The following DPYD variants were observed in gnomAD, a reference collection of about 807,000 sequenced individuals.
The protein encoded by DPYD is dihydropyrimidine dehydrogenase, also known as dihydropyrimidine dehydrogenase [NADP(+)].
In DPYD, 109 loss-of-function variants were observed where a neutral mutation model predicts 116.2. The ratio of observed to expected loss-of-function variants is 0.94; its 90% CI spans 0.80 to 1.10. DPYD has a LOEUF of 1.10. Among genes scored for constraint, DPYD ranks in the 50% least tolerant of loss-of-function variants. DPYD has a pLI of 0.00. For missense variants in DPYD, 1,302 were observed against 1,254.5 expected (o/e 1.04, Z -0.57); for synonymous variants, 440 against 432.0 (o/e 1.02, Z -0.23).
intron 13 of DPYD, among the ~76,000 whole-genome samples, chr1:97,473,550 A>G (rs1225540611): frequency 3.3e-5 from 5 of 152,206 alleles, no homozygotes; most frequent in Non-Finnish European, 1.5e-5. Context: ...AATAGTTCCA[A>G]TCACCAGGGG....
At chr1:97,196,399 G>A (rs916580747) in intron 19 of DPYD, among the ~76,000 whole-genome samples, 4 of 151,810 alleles carry the variant, frequency 2.6e-5, no homozygotes, top group African/African-American at 4.8e-5. Context: ...TACAGGCATG[G>A]ACCACCATGC....
chr1:97,376,403 T>C (rs1178199915), intron 15 of DPYD, among the ~76,000 whole-genome samples: 1 of 152,184 alleles, frequency 6.6e-6, no homozygotes. Context: ...CTAATTATTA[T>C]AATTTCCCCA....
At chr1:97,374,493 G>A (rs1022363303) in intron 15 of DPYD, among the ~76,000 whole-genome samples, 1 of 151,814 alleles carries the variant, frequency 6.6e-6, no homozygotes, top group African/African-American at 2.4e-5. Context: ...GGCCAAGGCA[G>A]GCAGATCATG....
chr1:97,771,094 G>A (rs566553873), intron 3 of DPYD, among the ~76,000 whole-genome samples: 38 of 152,148 alleles, frequency 2.5e-4, no homozygotes, highest in African/African-American at 9.2e-4. Context: ...GAGGCGGGTG[G>A]ATCACCTGAG....
intron 18 of DPYD, among the ~76,000 whole-genome samples, chr1:97,290,510 A>T (rs1381971852): frequency 6.6e-6 from 1 of 152,132 alleles, no homozygotes. Flanking sequence ...GGAACAGAAC[A>T]GAGCCCTCAG....
chr1:97,910,235 A>G (rs74108206), intron 1 of DPYD, among the ~76,000 whole-genome samples: 190 of 152,228 alleles, frequency 1.2e-3, no homozygotes, highest in African/African-American at 4.4e-3. Context: ...TATTGACTGC[A>G]GAATTCTTTT....
chr1:97,648,375 T>C (rs1215123328), intron 8 of DPYD, among the ~76,000 whole-genome samples: 3 of 152,030 alleles, frequency 2.0e-5, no homozygotes, highest in Non-Finnish European at 4.4e-5. Flanking sequence ...ACCGTGTTAC[T>C]TACAGGCAAT....
intron 13 of DPYD, among the ~76,000 whole-genome samples, chr1:97,497,847 G>T (rs920910626): frequency 6.6e-6 from 1 of 151,640 alleles, no homozygotes; most frequent in Non-Finnish European, 1.5e-5. Context: ...AAAGGGAATT[G>T]AATATATATG....
At chr1:97,090,594 C>T (rs112448793) in intron 21 of DPYD, among the ~76,000 whole-genome samples, 1,541 of 152,272 alleles carry the variant, frequency 0.01, 23 homozygotes, top group African/African-American at 0.035. Flanking sequence ...CACAATTACC[C>T]AAGGCAGAAC....
rs140385344 is a variant in DPYD, at chr1:97,233,391, T to C, written c.2442+1461A>G. Among the ~76,000 whole-genome samples the C allele has an allele frequency of 4.1e-3, 631 of 152,166 alleles. 4 individuals carry two copies. The highest frequency in any genetic ancestry group is 0.014 in the African/African-American group (581 of 41,502). On this transcript the variant is annotated intron_variant, in intron 19 of 22. Transcript: ENST00000370192. ...GGGGAGGACGGACACCTCATTACTCTCAGGTGAGGGTAGAAGTCCAGGCTT... is the reference window on the plus strand; with the variant it reads ...GGGGAGGACGGACACCTCATTACTCCCAGGTGAGGGTAGAAGTCCAGGCTT...
intron 13 of DPYD, among the ~76,000 whole-genome samples, chr1:97,487,843 C>A (rs1248669870): frequency 6.6e-6 from 1 of 152,128 alleles, no homozygotes; most frequent in Non-Finnish European, 1.5e-5. Flanking sequence ...AATGTTACAG[C>A]CATTCTGAAA....
At chr1:97,171,705 AC>A (rs1285624317) in intron 20 of DPYD, among the ~76,000 whole-genome samples, 3 of 152,234 alleles carry the variant, frequency 2.0e-5, no homozygotes, top group Non-Finnish European at 2.9e-5. Context: ...TTAAATAACA[AC>A]CATTGAAGGT....
chr1:97,437,982 A>G (rs1052443078), intron 14 of DPYD, among the ~76,000 whole-genome samples: 5 of 152,014 alleles, frequency 3.3e-5, no homozygotes, highest in African/African-American at 9.7e-5. Context: ...CTGAAAGACT[A>G]TATTTTGTCC....
chr1:97,443,626 A>T (rs1675922357), intron 14 of DPYD, among the ~76,000 whole-genome samples: 1 of 152,252 alleles, frequency 6.6e-6, no homozygotes, highest in Non-Finnish European at 1.5e-5. Flanking sequence ...TTGGGGTACA[A>T]GGCAAAAGAA....
At chr1:97,431,368 G>C (rs1219179085) in intron 14 of DPYD, among the ~76,000 whole-genome samples, 1 of 152,108 alleles carries the variant, frequency 6.6e-6, no homozygotes, top group Non-Finnish European at 1.5e-5. Context: ...ATAGGGGCCT[G>C]CTTTTAAAAT....
In DPYD at chr1:97,520,512, T is replaced by G. The variant is rs184858988; in HGVS notation, c.1525-4571A>C. Reference sequence around the variant, plus strand: ...TACTTTAGTATTATTCTTTGAGTTCTGGGATACATGTGCACAATGTGCAGG... The same window carrying G: ...TACTTTAGTATTATTCTTTGAGTTCGGGGATACATGTGCACAATGTGCAGG... On this transcript the variant is annotated intron_variant, in intron 12 of 22. Transcript: ENST00000370192. 3.3e-5 allele frequency among the ~76,000 whole-genome samples: 5 copies of G among 152,254 alleles called. No homozygotes were observed. The East Asian group carries it at 9.7e-4, about 29-fold the overall frequency.
At chr1:97,709,885 T>C (rs1408812923) in intron 5 of DPYD, among the ~76,000 whole-genome samples, 2 of 151,946 alleles carry the variant, frequency 1.3e-5, no homozygotes, top group East Asian at 3.9e-4. Context: ...AATTACTCTG[T>C]TTGTTCTAAT....
intron 13 of DPYD, among the ~76,000 whole-genome samples, chr1:97,463,292 T>G (rs1222913084): frequency 6.6e-6 from 1 of 152,164 alleles, no homozygotes; most frequent in Non-Finnish European, 1.5e-5. Flanking sequence ...GATCTGATGG[T>G]TTTATAAAGA....
chr1:97,803,926 T>C (rs946988127), intron 3 of DPYD, among the ~76,000 whole-genome samples: 9 of 151,844 alleles, frequency 5.9e-5, no homozygotes, highest in African/African-American at 2.2e-4. Flanking sequence ...GTACCTGGAC[T>C]TAAAATATCA....
Sources: gnomAD v4.1 joint callset for allele counts (sites outside exome capture counted in the v4.1 genomes callset) on GRCh38, gnomAD v4.1.1 for gene constraint, MANE v1.5 for transcripts, NCBI Gene and HGNC (gene_info 2026-07-23, HGNC 2026-07-21) for gene names.